Variants in HRH1 observed in about 807,000 individuals in gnomAD.
HRH1 encodes histamine receptor H1, also known as histamine H1 receptor.
In HRH1, 6 loss-of-function variants were observed where a neutral mutation model predicts 10.3. The ratio of observed to expected loss-of-function variants is 0.58; its 90% CI spans 0.32 to 1.15. HRH1 has a LOEUF of 1.15. HRH1 is among the 50% of genes most tolerant of loss of function. The pLI is 0.05. For missense variants in HRH1, 514 were observed against 615.3 expected, an observed-to-expected ratio of 0.84 and a Z score of 1.74; for synonymous variants, 242 against 236.7, an observed-to-expected ratio of 1.02 and a Z score of -0.21.
rs114785346 is a variant in HRH1, at chr3:11,195,856, G to A, written c.-36+41302G>A. Among the ~76,000 whole-genome samples the A allele has an allele frequency of 5.8e-3, 877 of 152,296 alleles. 5 individuals carry two copies. Among genetic ancestry groups the A allele is most frequent in the African/African-American group, 0.02 (833 of 41,568 alleles). ...CCCCAAACACGCTGTCTCTCTTCCAGTTACTTCCTGTGTGTCTGATTCATT... is the reference window on the plus strand; with the variant it reads ...CCCCAAACACGCTGTCTCTCTTCCAATTACTTCCTGTGTGTCTGATTCATT... On this transcript the variant is annotated intron_variant, in intron 1 of 1. Transcript: ENST00000431010.
At chr3:11,255,430 C>T (rs574898527) in intron 1 of HRH1, among the ~76,000 whole-genome samples, 11 of 152,272 alleles carry the variant, frequency 7.2e-5, no homozygotes, top group African/African-American at 1.9e-4. Flanking sequence ...TGCTTCCTTC[C>T]GAGCAAAACA....
Position 11,223,212 on chromosome 3 carries a change from G to T in HRH1, c.-35-35791G>T, listed in dbSNP as rs1175443154. On this transcript the variant is annotated intron_variant, in intron 1 of 1. Transcript: ENST00000431010. ...AAAAAAAAAAAAAAAAAAAAAAAAA[G>T]TCCAGGCACAGTGGCTCATGCCTGT... 5.5e-3 allele frequency among the ~76,000 whole-genome samples: 276 copies of T among 49,904 alleles called. 2 individuals carry two copies. The highest frequency in any genetic ancestry group is 0.014 in the African/African-American group (248 of 17,800). 32.7% of individuals were successfully genotyped at this position (49,904 alleles called of 152,430 possible). A position where few individuals can be genotyped will look rare whatever the true frequency, so the allele number is the denominator to read the frequency against.
At chr3:11,142,296 T>A (rs1176432973) in intron 1 of HRH1, among the ~76,000 whole-genome samples, 2 of 152,202 alleles carry the variant, frequency 1.3e-5, no homozygotes, top group African/African-American at 4.8e-5. Flanking sequence ...CTTTGACAAG[T>A]CCCTTCTCTT....
chr3:11,205,382 C>T (rs944806936), intron 1 of HRH1, among the ~76,000 whole-genome samples: 1 of 152,172 alleles, frequency 6.6e-6, no homozygotes. Context: ...AAGCAGTTCT[C>T]TGGAAACAGA....
At chr3:11,160,666 C>T (rs902602952) in intron 1 of HRH1, among the ~76,000 whole-genome samples, 13 of 152,150 alleles carry the variant, frequency 8.5e-5, no homozygotes, top group Admixed American at 4.6e-4. Context: ...TCTTTGGAGG[C>T]AGAGCCACCA....
chr3:11,155,512 C>T (rs1377279632), intron 1 of HRH1, among the ~76,000 whole-genome samples: 6 of 152,192 alleles, frequency 3.9e-5, no homozygotes. Flanking sequence ...CCTCTTCCCT[C>T]CTGATTCCCT....
At chr3:11,161,148 C>T (rs1300773421) in intron 1 of HRH1, among the ~76,000 whole-genome samples, 1 of 152,182 alleles carries the variant, frequency 6.6e-6, no homozygotes, top group Non-Finnish European at 1.5e-5. Context: ...AGTGGGTGGA[C>T]AGCAAGAGAG....
intron 1 of HRH1, among the ~76,000 whole-genome samples, chr3:11,171,842 A>G (rs938665343): frequency 6.6e-6 from 1 of 152,226 alleles, no homozygotes; most frequent in Non-Finnish European, 1.5e-5. Flanking sequence ...TCTCATCTGA[A>G]GCAGGATGAA....
chr3:11,179,312 A>T (rs1937306020), intron 1 of HRH1, among the ~76,000 whole-genome samples: 1 of 151,664 alleles, frequency 6.6e-6, no homozygotes, highest in African/African-American at 2.4e-5. Context: ...ATAAAATTTA[A>T]AAAATTTAAA....
At chr3:11,188,388 A>G (rs990796174) in intron 1 of HRH1, among the ~76,000 whole-genome samples, 4 of 152,084 alleles carry the variant, frequency 2.6e-5, no homozygotes, top group African/African-American at 9.7e-5. Context: ...GATCTCTTGA[A>G]GCCTGGAGTT....
At chr3:11,248,372 T>C (rs1000890177) in intron 1 of HRH1, among the ~76,000 whole-genome samples, 43 of 152,306 alleles carry the variant, frequency 2.8e-4, no homozygotes, top group African/African-American at 9.6e-4. Flanking sequence ...GGGCTTTGAA[T>C]TCATCTGGTA....
chr3:11,153,251 C>G (rs577693428), upstream of HRH1, among the ~76,000 whole-genome samples: 1 of 152,238 alleles, frequency 6.6e-6, no homozygotes, highest in African/African-American at 2.4e-5. Flanking sequence ...CTACTAGGAC[C>G]TATTATTGTT....
chr3:11,221,285 G>A (rs1393510421), intron 1 of HRH1, among the ~76,000 whole-genome samples: 1 of 152,108 alleles, frequency 6.6e-6, no homozygotes, highest in African/African-American at 2.4e-5. Context: ...AGGTGCAGTG[G>A]CTCATGCCTA....
At chr3:11,171,231 C>G (rs918378301) in intron 1 of HRH1, among the ~76,000 whole-genome samples, 9 of 151,616 alleles carry the variant, frequency 5.9e-5, no homozygotes, top group African/African-American at 2.2e-4. Flanking sequence ...ATTCTCATGT[C>G]TCAGCCTCCC....
In HRH1 at chr3:11,154,836, C is replaced by T. The variant is rs1018597971; in HGVS notation, c.-36+282C>T. On this transcript the variant is annotated intron_variant, in intron 1 of 1. Coordinates refer to ENST00000431010, the MANE Select transcript of HRH1 (RefSeq NM_001098212.2). This position sits in a 1 kb window ranked among gnomAD's most constrained non-coding sequence, Gnocchi z 4.4. Reference sequence around the variant, plus strand: ...CTTCCCCGGGCTTGGGCAGGGTGCGCGCCCTGAGCGTCCGTCTTTGAGCTC... The same window carrying T: ...CTTCCCCGGGCTTGGGCAGGGTGCGTGCCCTGAGCGTCCGTCTTTGAGCTC... Among the ~76,000 whole-genome samples the T allele has an allele frequency of 2.0e-5, 3 of 152,158 alleles. No homozygotes were observed. The highest frequency in any genetic ancestry group is 4.8e-5 in the African/African-American group (2 of 41,448).
intron 1 of HRH1, among the ~76,000 whole-genome samples, chr3:11,177,258 T>TAAAC (rs1937266798): frequency 6.7e-6 from 1 of 149,490 alleles, no homozygotes; most frequent in African/African-American, 2.5e-5. Context: ...ATAAATTAAA[T>TAAAC]AAATAAATAA....
rs141114942 is a variant in HRH1, at chr3:11,234,596, C to G, written c.-35-24407C>G. The G allele has an allele frequency of 8.6e-5, 123 of 1,436,214 alleles. No homozygotes were observed. In the African/African-American group the frequency reaches 1.5e-3, roughly 17 times the overall value. The allele number at this position is 1,436,214 out of a possible 1,614,324, so 89.0% of individuals were successfully genotyped here. The stretch of plus-strand genomic sequence containing the variant: ...TATGGATCGTTGGGGTCATCAGCCA[C>G]CAATTCTGCATTGCTTGGAGTTTCA... On this transcript the variant is annotated intron_variant, in intron 1 of 1. Transcript: ENST00000431010.
Position 11,258,983 on chromosome 3 carries a change from T to A in HRH1, c.-35-20T>A. 1 of 1,525,752 alleles carries A rather than the reference T, an allele frequency of 6.6e-7. No homozygotes were observed. Among genetic ancestry groups the A allele is most frequent in the East Asian group, 2.3e-5 (1 of 44,260 alleles). 94.5% of individuals were successfully genotyped at this position (1,525,752 alleles called of 1,614,324 possible). A position where few individuals can be genotyped will look rare whatever the true frequency, so the allele number is the denominator to read the frequency against. On this transcript the variant is annotated intron_variant, in intron 1 of 1. Coordinates refer to ENST00000431010, the MANE Select transcript of HRH1 (RefSeq NM_001098212.2). ...CATCACCCAAGTCTCTGACCTTACTTTTTCTCTCTTTTCTCCCAGGGAGTG... is the reference window on the plus strand; with the variant it reads ...CATCACCCAAGTCTCTGACCTTACTATTTCTCTCTTTTCTCCCAGGGAGTG...
At chr3:11,233,570 G>T (rs1160744077) in intron 1 of HRH1, among the ~76,000 whole-genome samples, 1 of 152,102 alleles carries the variant, frequency 6.6e-6, no homozygotes, top group Non-Finnish European at 1.5e-5. Context: ...GTGAACATGG[G>T]CCCCAAACCA....
Sources: gnomAD v4.1 joint callset for allele counts (sites outside exome capture counted in the v4.1 genomes callset) on GRCh38, gnomAD v4.1.1 for gene constraint, Gnocchi (gnomAD v3.1) non-coding constraint, MANE v1.5 for transcripts, NCBI Gene and HGNC (gene_info 2026-07-23, HGNC 2026-07-21) for gene names.